Variants in GRAMD1C observed in about 807,000 individuals in gnomAD.
The protein encoded by GRAMD1C is protein Aster-C.
Under a neutral mutation model 97.8 loss-of-function variants are expected in GRAMD1C, and 89 were observed. The observed-to-expected ratio is 0.91, with a 90% CI of 0.77 to 1.09. The LOEUF (loss-of-function observed/expected upper bound fraction) is 1.09, where lower values mean the gene tolerates loss of function less well. GRAMD1C is among the 50% of genes least tolerant of loss of function. GRAMD1C has a pLI of 0.00. For missense variants in GRAMD1C, 740 were observed against 766.4 expected (o/e 0.97, Z 0.41); for synonymous variants, 256 against 267.0 (o/e 0.96, Z 0.40).
chr3:113,906,769 A>C (rs1465368241), intron 8 of GRAMD1C, among the ~76,000 whole-genome samples: 1 of 152,198 alleles, frequency 6.6e-6, no homozygotes, highest in African/African-American at 2.4e-5. Flanking sequence ...TGACTCACCC[A>C]GAACAACAGA....
At chr3:113,886,241 A>C (rs1935472774) in intron 6 of GRAMD1C, among the ~76,000 whole-genome samples, 1 of 152,116 alleles carries the variant, frequency 6.6e-6, no homozygotes. Flanking sequence ...CCTCACTCTT[A>C]ACTTCATGTT....
intron 10 of GRAMD1C, chr3:113,920,238 C>T: frequency 1.0e-6 from 1 of 994,974 alleles, no homozygotes; most frequent in South Asian, 1.6e-5. Context: ...CAACAAATTC[C>T]TGTAACCATT....
chr3:113,914,969 G>A (rs1286577464), intron 9 of GRAMD1C, among the ~76,000 whole-genome samples: 1 of 152,118 alleles, frequency 6.6e-6, no homozygotes, highest in Admixed American at 6.6e-5. Flanking sequence ...GTAAGTATGG[G>A]CTATTTTATA....
chr3:113,844,401 G>A, intron 1 of GRAMD1C, 102 bp from the exon 2 acceptor site: 1 of 725,994 alleles, frequency 1.4e-6, no homozygotes, highest in Non-Finnish European at 2.4e-6. Flanking sequence ...TTTAAATATT[G>A]CCCTTTTAAA....
chr3:113,900,409 AATT>A (rs146979804), intron 6 of GRAMD1C, among the ~76,000 whole-genome samples: 14 of 137,490 alleles, frequency 1.0e-4, no homozygotes, highest in Admixed American at 2.9e-4. Flanking sequence ...AGTATGAACA[AATT>A]ATTATTATTA....
chr3:113,884,157 A>G (rs1935363325), intron 6 of GRAMD1C, among the ~76,000 whole-genome samples: 2 of 152,342 alleles, frequency 1.3e-5, no homozygotes, highest in South Asian at 4.1e-4. Context: ...ATATATATAT[A>G]TCCTTTTCAA....
chr3:113,836,935 C>T (rs1288113037), upstream of GRAMD1C, among the ~76,000 whole-genome samples: 8 of 152,100 alleles, frequency 5.3e-5, no homozygotes, highest in South Asian at 4.1e-4. Flanking sequence ...TGAGCCACCA[C>T]GCCCAGCTGC....
chr3:113,887,101 T>G (rs1230947147), intron 6 of GRAMD1C, among the ~76,000 whole-genome samples: 17 of 140,538 alleles, frequency 1.2e-4, no homozygotes, highest in Non-Finnish European at 2.2e-4. Context: ...TTTTTGTTTT[T>G]TTTTTTTTTT....
chr3:113,852,859 T>C (rs1933968389), intron 2 of GRAMD1C, among the ~76,000 whole-genome samples: 1 of 152,186 alleles, frequency 6.6e-6, no homozygotes, highest in Non-Finnish European at 1.5e-5. Flanking sequence ...GAAACTTGTC[T>C]GTCTAAGCCA....
At chr3:113,893,419 C>A (rs1164904345) in intron 6 of GRAMD1C, among the ~76,000 whole-genome samples, 1 of 151,776 alleles carries the variant, frequency 6.6e-6, no homozygotes, top group Non-Finnish European at 1.5e-5. Context: ...ATTCTTTCTG[C>A]CAGGAAGTTG....
intron 10 of GRAMD1C, among the ~76,000 whole-genome samples, chr3:113,923,153 T>A (rs987797579): frequency 1.3e-5 from 2 of 152,156 alleles, no homozygotes; most frequent in African/African-American, 4.8e-5. Context: ...TGAAGTTGCT[T>A]ATCAGATCTA....
chr3:113,930,750 G>T lies in GRAMD1C; in HGVS notation c.1127G>T (p.Gly376Val), dbSNP rs1577217962. 1.2e-6 allele frequency: 2 copies of T among 1,609,888 alleles called. No individual in the cohort carries two copies. Among genetic ancestry groups the T allele is most frequent in the Non-Finnish European group, 1.7e-6 (2 of 1,176,400 alleles). Residue 376 changes from glycine (G) to valine (V), a missense_variant, in exon 11 of 18, where the codon GGT becomes GTT. Gly to Val is a moderately radical substitution (Grantham distance 109, BLOSUM62 -3). Transcript: ENST00000358160. ...VSTPWTAELG[G>V]DQLRTMTYTI... ...ACCCCTTGGACTGCAGAACTTGGAG[G>T]TGATCAGCTGAGAACGATGACCTAC...
At chr3:113,919,239 C>G (rs1936945906) in intron 10 of GRAMD1C, 1 of 383,008 alleles carries the variant, frequency 2.6e-6, no homozygotes, top group African/African-American at 2.1e-5. Context: ...TTCTTGAAGG[C>G]TTTTTTGGTC....
At chr3:113,920,230 AC>A in intron 10 of GRAMD1C, 1 of 1,065,766 alleles carries the variant, frequency 9.4e-7, no homozygotes, top group Non-Finnish European at 1.4e-6. Context: ...AAAAAAAGCA[AC>A]AAATTCCTGT....
chr3:113,839,073 G>A (rs555433634), intron 1 of GRAMD1C, 137 bp downstream of exon 1: 136 of 572,952 alleles, frequency 2.4e-4, no homozygotes, highest in African/African-American at 2.1e-3. Flanking sequence ...GAGTAATACG[G>A]AAAGTTGTTA....
chr3:113,906,420 T>C (rs1936374189), intron 8 of GRAMD1C, among the ~76,000 whole-genome samples: 1 of 152,096 alleles, frequency 6.6e-6, no homozygotes, highest in African/African-American at 2.4e-5. Flanking sequence ...ACGTGTGTGT[T>C]TGTGTCTTAA....
chr3:113,836,992 T>C (rs1300618986), upstream of GRAMD1C, among the ~76,000 whole-genome samples: 1 of 152,132 alleles, frequency 6.6e-6, no homozygotes, highest in Non-Finnish European at 1.5e-5. Flanking sequence ...AATGTATACA[T>C]AAATCATTAA....
At chr3:113,922,288 C>T (rs1251761656) in intron 10 of GRAMD1C, among the ~76,000 whole-genome samples, 1 of 152,046 alleles carries the variant, frequency 6.6e-6, no homozygotes, top group Admixed American at 6.6e-5. Context: ...GCCCAAGCTG[C>T]TCTTGAACTC....
chr3:113,941,190 A>G (rs1937758989), intron 17 of GRAMD1C, among the ~76,000 whole-genome samples: 1 of 152,182 alleles, frequency 6.6e-6, no homozygotes, highest in South Asian at 2.1e-4. Context: ...AAAATTTTTC[A>G]TTCTACTTTT....
Sources: gnomAD v4.1 joint callset for allele counts (sites outside exome capture counted in the v4.1 genomes callset) on GRCh38, gnomAD v4.1.1 for gene constraint, MANE v1.5 for transcripts, NCBI Gene and HGNC (gene_info 2026-07-23, HGNC 2026-07-21) for gene names.